FREM1: variants seen among roughly 807,000 people sequenced by gnomAD.
FREM1 encodes FRAS1-related extracellular matrix protein 1.
Under a neutral mutation model 210.1 loss-of-function variants are expected in FREM1, and 220 were observed. That is an observed-to-expected ratio of 1.05 (90% CI 0.94 to 1.17). The LOEUF is 1.17. Among genes scored for constraint, FREM1 ranks in the 50% most tolerant of loss-of-function variants. The pLI is 0.00. For missense variants in FREM1, 3,454 were observed against 2,675.5 expected, an observed-to-expected ratio of 1.29 and a Z score of -6.42; for synonymous variants, 1,189 against 980.2, an observed-to-expected ratio of 1.21 and a Z score of -3.98.
intron 12 of FREM1, 47 bp downstream of exon 12, chr9:14,823,978 G>C (rs1361713669): frequency 8.3e-7 from 1 of 1,208,306 alleles, no homozygotes; most frequent in South Asian, 1.4e-5. Flanking sequence ...TACCTTCTAA[G>C]GGCACACTTG....
At chr9:14,787,760 C>T (rs1273822966) in intron 23 of FREM1, among the ~76,000 whole-genome samples, 3 of 152,166 alleles carry the variant, frequency 2.0e-5, no homozygotes, top group African/African-American at 7.2e-5. Flanking sequence ...TACTCTAATA[C>T]ACTAGTTGTC....
At chr9:14,892,080 T>C (rs1392266887) in intron 1 of FREM1, among the ~76,000 whole-genome samples, 2 of 152,096 alleles carry the variant, frequency 1.3e-5, no homozygotes, top group Admixed American at 1.3e-4. Context: ...TCTTTCTGAG[T>C]ACCTAAGAAC....
intron 32 of FREM1, 32 bp downstream of exon 32, chr9:14,747,649 A>G (rs970930849): frequency 1.5e-6 from 2 of 1,322,604 alleles, no homozygotes; most frequent in African/African-American, 3.0e-5. Context: ...CCATAAATAT[A>G]AGAAATTTAG....
chr9:14,767,567 G>A (rs550102984), intron 27 of FREM1, among the ~76,000 whole-genome samples: 1 of 152,222 alleles, frequency 6.6e-6, no homozygotes, highest in Admixed American at 6.5e-5. Context: ...ATGAAATAGA[G>A]CAAACACCAA....
chr9:14,743,125 G>A (rs1168660062), intron 35 of FREM1, among the ~76,000 whole-genome samples: 1 of 152,056 alleles, frequency 6.6e-6, no homozygotes, highest in Non-Finnish European at 1.5e-5. Flanking sequence ...ACTACAGTCA[G>A]GCTAATATAA....
At chr9:14,744,450 A>G (rs577576657) in intron 35 of FREM1, among the ~76,000 whole-genome samples, 1 of 152,094 alleles carries the variant, frequency 6.6e-6, no homozygotes, top group Non-Finnish European at 1.5e-5. Context: ...TTCTAACAAC[A>G]TAGATTATAT....
At chr9:14,749,533 G>C (rs1842986333) in intron 30 of FREM1, among the ~76,000 whole-genome samples, 1 of 152,086 alleles carries the variant, frequency 6.6e-6, no homozygotes, top group Non-Finnish European at 1.5e-5. Flanking sequence ...GCATTTGGTG[G>C]AAAAAAATCA....
At chr9:14,775,199 G>T (rs1207709845) in intron 25 of FREM1, among the ~76,000 whole-genome samples, 1 of 152,152 alleles carries the variant, frequency 6.6e-6, no homozygotes, top group South Asian at 2.1e-4. Flanking sequence ...ACTCTTTAAG[G>T]TCAGACGGCT....
At position 14,789,028 on chromosome 9, in the gene FREM1, GGT is replaced by G. The variant is rs749440550; in HGVS notation, c.4066_4067del (p.Thr1356ArgfsTer10). ...VDLNLLRYTHTGAMDSQNQDS... is the reference protein window; with the variant it reads ...VDLNLLRYTHXGAMDSQNQDS... ...CTTGATTCTGGGAATCCATTGCCCC[GGT>G]GTGTGTGTATCTCAGCAAGTTCAGA... On this transcript the variant is annotated frameshift_variant, in exon 23 of 37. Coordinates refer to ENST00000380880, the MANE Select transcript of FREM1 (RefSeq NM_001379081.2). LOFTEE classifies it high-confidence loss of function. 1.2e-6 allele frequency: 2 copies of G among 1,611,118 alleles called. No homozygotes were observed. The highest frequency in any genetic ancestry group is 1.1e-5 in the South Asian group (1 of 90,250).
intron 27 of FREM1, among the ~76,000 whole-genome samples, chr9:14,765,471 ATTAG>A (rs1053962906): frequency 1.4e-4 from 22 of 152,334 alleles, no homozygotes; most frequent in Admixed American, 9.8e-4. Context: ...TAAAATTAAA[ATTAG>A]TTAGTATGTA....
intron 29 of FREM1, among the ~76,000 whole-genome samples, chr9:14,754,089 G>A (rs1299806856): frequency 1.3e-5 from 2 of 152,142 alleles, no homozygotes; most frequent in African/African-American, 4.8e-5. Context: ...AGTCCAAACA[G>A]AGCACCTGAT....
At chr9:14,829,839 CT>C (rs1452925994) in intron 10 of FREM1, among the ~76,000 whole-genome samples, 1 of 152,030 alleles carries the variant, frequency 6.6e-6, no homozygotes, top group East Asian at 1.9e-4. Flanking sequence ...CTTTATAGAC[CT>C]TAAGCCTTAA....
intron 5 of FREM1, among the ~76,000 whole-genome samples, chr9:14,856,792 C>T (rs147478550): frequency 1.4e-3 from 207 of 148,348 alleles, no homozygotes; most frequent in African/African-American, 5.1e-3. Flanking sequence ...GACATTATTG[C>T]GCTACTGCAC....
At chr9:14,774,511 ATCTCTCTCTCTCTCTCTCTCTCTCTC>A (rs36211636) in intron 25 of FREM1, among the ~76,000 whole-genome samples, 48 of 136,330 alleles carry the variant, frequency 3.5e-4, no homozygotes, top group South Asian at 2.0e-3. Flanking sequence ...CCTAAAATAA[ATCTCTCTCTCTCTCTCTCTCTCTCTC>A]TCTCTCTCTC....
At chr9:14,742,327 C>G (rs145499680) in intron 35 of FREM1, among the ~76,000 whole-genome samples, 1 of 152,130 alleles carries the variant, frequency 6.6e-6, no homozygotes, top group East Asian at 1.9e-4. Context: ...CCAGACACTC[C>G]TGCGGGAAAA....
chr9:14,906,735 G>A (rs775058233), intron 1 of FREM1, among the ~76,000 whole-genome samples: 5 of 152,176 alleles, frequency 3.3e-5, no homozygotes, highest in Admixed American at 6.5e-5. Flanking sequence ...CAAAGTTGTG[G>A]CTCACATATT....
intron 18 of FREM1, among the ~76,000 whole-genome samples, chr9:14,806,253 CTTTTTT>C (rs35603165): frequency 7.7e-6 from 1 of 129,788 alleles, no homozygotes. Context: ...GTGCTTTAAA[CTTTTTT>C]TTTTTTTTTT....
chr9:14,854,487 T>C (rs1212230694), intron 5 of FREM1, among the ~76,000 whole-genome samples: 3 of 152,096 alleles, frequency 2.0e-5, no homozygotes, highest in South Asian at 2.1e-4. Context: ...ATTTCAAAGA[T>C]GAATTCAATG....
chr9:14,889,964 G>C (rs972209058), intron 1 of FREM1, among the ~76,000 whole-genome samples: 1 of 152,206 alleles, frequency 6.6e-6, no homozygotes, highest in African/African-American at 2.4e-5. Flanking sequence ...TGTGAGCTGA[G>C]GGTGGTAAAC....
Sources: allele counts gnomAD v4.1 joint callset (sites outside exome capture counted in the v4.1 genomes callset), GRCh38; gene constraint gnomAD v4.1.1; transcripts MANE v1.5; gene names NCBI Gene and HGNC (gene_info 2026-07-23, HGNC 2026-07-21).